The following AHR variants were observed in gnomAD, a reference collection of about 807,000 sequenced individuals.
AHR encodes AH-receptor.
AHR carries 40 observed loss-of-function variants against 86.8 expected under a neutral mutation model. That is an observed-to-expected ratio of 0.46 (90% confidence interval 0.36 to 0.60). The LOEUF (loss-of-function observed/expected upper bound fraction) is 0.60, where lower values mean the gene tolerates loss of function less well. Among genes scored for constraint, AHR ranks in the 20% least tolerant of loss-of-function variants. The pLI, the probability that AHR is intolerant of heterozygous loss-of-function variation, is 0.00. For synonymous variants in AHR, 398 were observed against 354.9 expected (o/e 1.12, Z -1.37); for missense variants, 1,001 against 1,011.6 (o/e 0.99, Z 0.14).
intron 2 of AHR, among the ~76,000 whole-genome samples, chr7:17,310,581 C>T (rs1057401323): frequency 6.7e-6 from 1 of 150,196 alleles, no homozygotes; most frequent in Non-Finnish European, 1.5e-5. Flanking sequence ...GTTGCCCAGG[C>T]TCGAGTGCAA....
intron 5 of AHR, 130 bp from the exon 6 acceptor site, chr7:17,330,626 T>C (rs1427202333): frequency 1.3e-6 from 1 of 767,880 alleles, no homozygotes; most frequent in East Asian, 2.9e-5. Context: ...TCATTAGCTC[T>C]TTTGAAAATG....
chr7:17,321,119 G>GA (rs1331033271), intron 2 of AHR, among the ~76,000 whole-genome samples: 1 of 152,054 alleles, frequency 6.6e-6, no homozygotes, highest in Admixed American at 6.6e-5. Flanking sequence ...ATGTTAAGAG[G>GA]ACTGCCAGAG....
chr7:17,299,846 G>T (rs1159326167), intron 1 of AHR, among the ~76,000 whole-genome samples: 1 of 152,198 alleles, frequency 6.6e-6, no homozygotes, highest in Admixed American at 6.5e-5. Flanking sequence ...CCACCAACTG[G>T]CTTTGTGTTG....
intron 9 of AHR, among the ~76,000 whole-genome samples, chr7:17,338,227 A>G (rs991653919): frequency 4.0e-5 from 6 of 150,910 alleles, no homozygotes. Context: ...CTATTGCAAA[A>G]ATACAAATAC....
intron 9 of AHR, 136 bp from the exon 10 acceptor site, chr7:17,338,850 G>T (rs561763953): frequency 3.4e-5 from 27 of 804,066 alleles, no homozygotes; most frequent in Middle Eastern, 4.0e-4. Context: ...GAGAATAATT[G>T]AGGTGAAAAT....
At chr7:17,329,619 G>A (rs1397627387) in intron 4 of AHR, among the ~76,000 whole-genome samples, 6 of 151,848 alleles carry the variant, frequency 4.0e-5, no homozygotes, top group Non-Finnish European at 8.8e-5. Context: ...CTGCATGGAA[G>A]AGATAAGAAT....
Position 17,310,023 on chromosome 7 carries a change from T to C in AHR, c.153T>C (p.Ala51=). Residue 51 remains alanine (A), a synonymous_variant, in exon 2 of 11, where the codon GCT becomes GCC. Coordinates refer to ENST00000242057, the MANE Select transcript of AHR (RefSeq NM_001621.5). Reference sequence around the variant, plus strand: ...TTAATACAGAGTTGGACCGTTTGGCTAGCCTGCTGCCTTTCCCACAAGATG... The same window carrying C: ...TTAATACAGAGTTGGACCGTTTGGCCAGCCTGCTGCCTTTCCCACAAGATG... ...DRLNTELDRL[A]SLLPFPQDVI... The C allele has an allele frequency of 6.2e-7, 1 of 1,614,016 alleles. No homozygotes were observed. Among genetic ancestry groups the C allele is most frequent in the Non-Finnish European group, 8.5e-7 (1 of 1,179,904 alleles).
intron 2 of AHR, among the ~76,000 whole-genome samples, chr7:17,314,793 C>G (rs1459559464): frequency 2.0e-5 from 3 of 152,020 alleles, no homozygotes; most frequent in African/African-American, 7.2e-5. Context: ...ATAATTTCAT[C>G]TGCTTTGTTG....
At chr7:17,310,321 C>G (rs1330954009) in intron 2 of AHR, among the ~76,000 whole-genome samples, 198 bp downstream of exon 2, 3 of 152,022 alleles carry the variant, frequency 2.0e-5, no homozygotes, top group Non-Finnish European at 4.4e-5. Context: ...ACAGATGCAG[C>G]CACTGAAATG....
At chr7:17,335,568 A>G in intron 8 of AHR, 77 bp from the exon 9 acceptor site, 4 of 1,277,784 alleles carry the variant, frequency 3.1e-6, no homozygotes, top group Non-Finnish European at 4.2e-6. Context: ...ACTATGTCAC[A>G]AGAGCTTTGT....
intron 9 of AHR, 79 bp from the exon 10 acceptor site, chr7:17,338,907 G>GT: frequency 1.5e-6 from 2 of 1,342,238 alleles, no homozygotes; most frequent in Non-Finnish European, 2.0e-6. Context: ...TTTGCTTTAT[G>GT]TTTTTCTTTT....
At chr7:17,319,788 G>A (rs566691794) in intron 2 of AHR, among the ~76,000 whole-genome samples, 1 of 152,164 alleles carries the variant, frequency 6.6e-6, no homozygotes, top group Non-Finnish European at 1.5e-5. Context: ...GCAAGAAATA[G>A]AAGAAAAACT....
chr7:17,343,346 C>T lies in AHR; in HGVS notation c.*282C>T, dbSNP rs919844283. 2 of 333,544 alleles carry T rather than the reference C, an allele frequency of 6.0e-6. No individual in the cohort carries two copies. The highest frequency in any genetic ancestry group is 1.1e-5 in the Non-Finnish European group (2 of 186,670). The allele number at this position is 333,544 out of a possible 1,614,324, so 20.7% of individuals were successfully genotyped here. A position where few individuals can be genotyped will look rare whatever the true frequency, so the allele number is the denominator to read the frequency against. ...ATTATTCTGGGCACCACAAAATATA[C>T]AAAACTTTATCAGGGAAACTAAGAT... On this transcript the variant is annotated 3_prime_UTR_variant, in exon 11 of 11. Transcript: ENST00000242057.
chr7:17,341,168 A>G (rs1243429708), intron 10 of AHR, among the ~76,000 whole-genome samples: 1 of 152,200 alleles, frequency 6.6e-6, no homozygotes, highest in African/African-American at 2.4e-5. Context: ...TTAGAGTATA[A>G]TAATTAAAAG....
At chr7:17,332,063 A>T (rs903145725) in intron 6 of AHR, among the ~76,000 whole-genome samples, 2 of 151,940 alleles carry the variant, frequency 1.3e-5, no homozygotes, top group African/African-American at 4.8e-5. Flanking sequence ...GACCATGTAT[A>T]TGATGGTAGT....
At chr7:17,332,381 T>C (rs1013044234) in intron 6 of AHR, among the ~76,000 whole-genome samples, 2 of 151,830 alleles carry the variant, frequency 1.3e-5, no homozygotes, top group South Asian at 4.1e-4. Context: ...TCAGGAAATA[T>C]TCCAAAAGAA....
chr7:17,327,913 C>T, intron 4 of AHR, 65 bp downstream of exon 4: 1 of 622,838 alleles, frequency 1.6e-6, no homozygotes, highest in Non-Finnish European at 2.3e-6. Flanking sequence ...ATATTTAGGA[C>T]ACAGTTGGCC....
chr7:17,312,292 A>G (rs769099333), intron 2 of AHR, among the ~76,000 whole-genome samples: 1 of 152,124 alleles, frequency 6.6e-6, no homozygotes, highest in Non-Finnish European at 1.5e-5. Flanking sequence ...ATAAAGCTTT[A>G]TTGACTTGAG....
At chr7:17,309,859 G>T in intron 1 of AHR, 77 bp from the exon 2 acceptor site, 1 of 1,178,642 alleles carries the variant, frequency 8.5e-7, no homozygotes, top group South Asian at 2.1e-5. Flanking sequence ...AATATTTGAG[G>T]AGATGTTATA....
Sources: allele counts gnomAD v4.1 joint callset (sites outside exome capture counted in the v4.1 genomes callset), GRCh38; gene constraint gnomAD v4.1.1; transcripts MANE v1.5; gene names NCBI Gene and HGNC (gene_info 2026-07-23, HGNC 2026-07-21).